MFSD1: variants seen among roughly 807,000 people sequenced by gnomAD.
The protein encoded by MFSD1 is major facilitator superfamily domain containing 1, also known as lysosomal dipeptide transporter MFSD1.
A neutral mutation model predicts 67.1 loss-of-function variants in MFSD1; 59 were observed. The ratio of observed to expected loss-of-function variants is 0.88; its 90% CI spans 0.71 to 1.09. The LOEUF (loss-of-function observed/expected upper bound fraction) is 1.09. MFSD1 is among the 50% of genes least tolerant of loss of function. MFSD1 has a pLI of 0.00. For missense variants in MFSD1, 552 were observed against 566.1 expected, an observed-to-expected ratio of 0.97 and a Z score of 0.25; for synonymous variants, 213 against 200.3, an observed-to-expected ratio of 1.06 and a Z score of -0.54.
At chr3:158,818,860 A>G (rs1176031724) in intron 7 of MFSD1, among the ~76,000 whole-genome samples, 1 of 152,206 alleles carries the variant, frequency 6.6e-6, no homozygotes, top group Admixed American at 6.5e-5. Context: ...GACCTGTGCC[A>G]TCATCAGGTC....
chr3:158,803,672 C>T (rs1184495705), intron 1 of MFSD1, among the ~76,000 whole-genome samples: 2 of 152,116 alleles, frequency 1.3e-5, no homozygotes, highest in African/African-American at 2.4e-5. Context: ...TTGTAGCCTA[C>T]GAAGGAATCT....
chr3:158,804,675 G>A (rs1173663275), intron 2 of MFSD1, among the ~76,000 whole-genome samples: 1 of 152,160 alleles, frequency 6.6e-6, no homozygotes, highest in African/African-American at 2.4e-5. Flanking sequence ...CTCTCCCAGT[G>A]CTTAGTCACC....
At chr3:158,809,337 A>G (rs755277719) in intron 6 of MFSD1, 50 bp downstream of exon 6, 1 of 1,169,370 alleles carries the variant, frequency 8.6e-7, no homozygotes, top group Non-Finnish European at 1.2e-6. Flanking sequence ...AAAAGATTAA[A>G]TCTTATAGTT....
rs1729678750 is a variant in MFSD1, at chr3:158,805,468, G to T, written c.323G>T (p.Gly108Val). ...GGCTTTTTGATAGACCGAGTATTTG[G>T]AATACGGTAAGCTTGAAAAGAAACT... ...FGGFLIDRVFGIRWGTIIFSC... is the reference protein window; with the variant it reads ...FGGFLIDRVFVIRWGTIIFSC... Residue 108 changes from glycine to valine, a missense_variant, in exon 3 of 16, where the codon GGA becomes GTA. Gly to Val is a moderately radical substitution (Grantham distance 109, BLOSUM62 -3). Coordinates refer to ENST00000415822, the MANE Select transcript of MFSD1 (RefSeq NM_022736.4). The T allele has an allele frequency of 1.9e-6, 3 of 1,608,434 alleles. No individual in the cohort carries two copies. The highest frequency in any genetic ancestry group is 1.1e-5 in the South Asian group (1 of 90,966).
At chr3:158,806,333 A>T (rs977020698) in intron 3 of MFSD1, among the ~76,000 whole-genome samples, 1 of 148,994 alleles carries the variant, frequency 6.7e-6, no homozygotes, top group African/African-American at 2.6e-5. Flanking sequence ...GATTGGCAGG[A>T]GATGACAAGA....
chr3:158,820,344 T>G lies in MFSD1; in HGVS notation c.863+18T>G. 1 of 1,482,914 alleles carries G rather than the reference T, an allele frequency of 6.7e-7. No homozygotes were observed. Among genetic ancestry groups the G allele is most frequent in the Non-Finnish European group, 9.4e-7 (1 of 1,062,042 alleles). 91.9% of individuals were successfully genotyped at this position (1,482,914 alleles called of 1,614,324 possible). A position where few individuals can be genotyped will look rare whatever the true frequency, so the allele number is the denominator to read the frequency against. On this transcript the variant is annotated intron_variant, in intron 9 of 15. Coordinates refer to ENST00000415822, the MANE Select transcript of MFSD1 (RefSeq NM_022736.4). ...CTTGGGAAGTGAGTATTCTCTATGT[T>G]TCCATTATTTCTTGTCTAAATTATC...
In MFSD1 at chr3:158,811,131, A is replaced by G. The variant is rs563937261; in HGVS notation, c.549+1844A>G. 8.5e-5 allele frequency among the ~76,000 whole-genome samples: 13 copies of G among 152,344 alleles called. No individual in the cohort carries two copies. The South Asian group carries it at 2.5e-3, about 29-fold the overall frequency. On this transcript the variant is annotated intron_variant, in intron 6 of 15. Transcript: ENST00000415822. ...TGTGTATGTATTTTCTTTTGATGAC[A>G]GAGCTACTAGGATTGCTAACGGAAA...
intron 5 of MFSD1, among the ~76,000 whole-genome samples, chr3:158,808,497 G>T (rs2108208546): frequency 6.6e-6 from 1 of 152,270 alleles, no homozygotes; most frequent in East Asian, 1.9e-4. Flanking sequence ...ATATTGTTCT[G>T]AAAAATGTGA....
chr3:158,804,466 G>C (rs554849968), intron 2 of MFSD1, 95 bp downstream of exon 2: 3 of 907,888 alleles, frequency 3.3e-6, no homozygotes, highest in Admixed American at 2.5e-5. Flanking sequence ...AGTCTCACGT[G>C]TCCGCTGAAT....
At chr3:158,823,279 T>C in intron 11 of MFSD1, 149 bp from the exon 12 acceptor site, 1 of 640,616 alleles carries the variant, frequency 1.6e-6, no homozygotes, top group Non-Finnish European at 2.8e-6. Context: ...GTTTTGTATA[T>C]TTTGAATACG....
intron 2 of MFSD1, 33 bp downstream of exon 2, chr3:158,804,404 T>A (rs1205850692): frequency 8.2e-6 from 13 of 1,584,188 alleles, no homozygotes; most frequent in Non-Finnish European, 9.5e-6. Context: ...TTTCTTTTGT[T>A]TTCTTTAGAG....
chr3:158,806,907 C>T, intron 3 of MFSD1, 133 bp from the exon 4 acceptor site: 1 of 664,530 alleles, frequency 1.5e-6, no homozygotes, highest in Non-Finnish European at 2.5e-6. Context: ...GGAGGGAATA[C>T]AGAGGGAGGC....
At chr3:158,824,999 G>C (rs1479082977) in intron 13 of MFSD1, among the ~76,000 whole-genome samples, 1 of 152,118 alleles carries the variant, frequency 6.6e-6, no homozygotes, top group Non-Finnish European at 1.5e-5. Context: ...GTTTAAAAAA[G>C]TGGGTCATAT....
In MFSD1 at chr3:158,821,645, A is replaced by ACTTGC. The variant is rs1730680534; in HGVS notation, c.912_913insCTTGC (p.Ile305LeufsTer36). The stretch of plus-strand genomic sequence containing the variant: ...GATTTTCTTCCCAGGCAGCAAGTGC[A>ACTTGC]ATTAACAGGTATTTTAAAATTAATT... On this transcript the variant is annotated frameshift_variant, in exon 10 of 16. Coordinates refer to ENST00000415822, the MANE Select transcript of MFSD1 (RefSeq NM_022736.4). LOFTEE classifies it high-confidence loss of function. 9 of 1,607,814 alleles carry ACTTGC rather than the reference A, an allele frequency of 5.6e-6. No individual in the cohort carries two copies. The Admixed American group carries it at 1.3e-4, about 24-fold the overall frequency.
rs552675845 is a variant in MFSD1, at chr3:158,805,457, C to T, written c.312C>T (p.Asp104=). ...GTTTCTTTGGTGGCTTTTTGATAGA[C>T]CGAGTATTTGGAATACGGTAAGCTT... The part of the protein sequence containing the change: ...VLCFFGGFLI[D]RVFGIRWGTI... Residue 104 remains aspartate, a synonymous_variant, in exon 3 of 16, where the codon GAC becomes GAT. Coordinates refer to ENST00000415822, the MANE Select transcript of MFSD1 (RefSeq NM_022736.4). The T allele has an allele frequency of 1.9e-5, 31 of 1,612,264 alleles. No homozygotes were observed. The South Asian group carries it at 3.0e-4, about 15-fold the overall frequency.
intron 13 of MFSD1, chr3:158,825,115 C>A (rs1318726889): frequency 6.6e-6 from 1 of 152,148 alleles, no homozygotes; most frequent in Non-Finnish European, 1.5e-5. Context: ...GGTCTCAAAG[C>A]AAACAGTGTG....
chr3:158,813,758 A>C (rs1730158965), intron 6 of MFSD1, among the ~76,000 whole-genome samples: 1 of 138,858 alleles, frequency 7.2e-6, no homozygotes, highest in African/African-American at 2.6e-5. Context: ...GTTTCTAATA[A>C]ATTGGCTTTT....
intron 7 of MFSD1, among the ~76,000 whole-genome samples, chr3:158,816,953 ATAGT>A (rs1281174470): frequency 1.3e-5 from 2 of 151,968 alleles, no homozygotes; most frequent in African/African-American, 4.8e-5. Context: ...CAAAGATCAG[ATAGT>A]TGTAGATATG....
At chr3:158,809,098 A>G (rs146970642) in intron 5 of MFSD1, 81 bp from the exon 6 acceptor site, 16 of 1,094,922 alleles carry the variant, frequency 1.5e-5, no homozygotes, top group Admixed American at 2.5e-5. Context: ...AAGTGCCAAC[A>G]TTTTAAACCT....
Sources: gnomAD v4.1 joint callset for allele counts (sites outside exome capture counted in the v4.1 genomes callset) on GRCh38, gnomAD v4.1.1 for gene constraint, MANE v1.5 for transcripts, NCBI Gene and HGNC (gene_info 2026-07-23, HGNC 2026-07-21) for gene names.